The following TOP6BL variants were observed in gnomAD, a reference collection of about 807,000 sequenced individuals.
TOP6BL encodes the protein TOP6B like initiator of meiotic double strand breaks.
At chr11:66,798,216 A>G in the TOP6BL span, among the ~76,000 whole-genome samples, 11 of 152,312 alleles carry the variant, frequency 7.2e-5, no homozygotes, top group South Asian at 2.1e-4. Flanking sequence ...TAAAAGTCAG[A>G]TGGAGAAGAG....
At chr11:66,785,644 A>G in the TOP6BL span, among the ~76,000 whole-genome samples, 2 of 151,596 alleles carry the variant, frequency 1.3e-5, no homozygotes, top group Non-Finnish European at 2.9e-5. Context: ...ATCTTAATAG[A>G]TTATATAGTT....
chr11:66,754,067 A>G, the TOP6BL span, among the ~76,000 whole-genome samples: 2 of 152,362 alleles, frequency 1.3e-5, no homozygotes, highest in Admixed American at 6.5e-5. Context: ...AAACGTAGTC[A>G]GATTATGTGT....
the TOP6BL span, among the ~76,000 whole-genome samples, chr11:66,773,722 G>T: frequency 8.8e-4 from 134 of 152,148 alleles, no homozygotes; most frequent in Non-Finnish European, 1.7e-3. Context: ...AAGTCATAAT[G>T]ACATTTTATG....
chr11:66,823,648 C>T, the TOP6BL span, among the ~76,000 whole-genome samples: 1 of 151,866 alleles, frequency 6.6e-6, no homozygotes, highest in African/African-American at 2.4e-5. Flanking sequence ...GGTGAAACCC[C>T]GTCTCTACTA....
chr11:66,843,177 G>C, the TOP6BL span: 1 of 1,611,190 alleles, frequency 6.2e-7, no homozygotes, highest in Non-Finnish European at 8.5e-7. Flanking sequence ...AGGACGTGCT[G>C]TGGCTGCAGG....
chr11:66,752,364 T>TAA, the TOP6BL span, among the ~76,000 whole-genome samples: 1 of 152,190 alleles, frequency 6.6e-6, no homozygotes, highest in African/African-American at 2.4e-5. Context: ...TTTTCTAACT[T>TAA]AAGGTGTTGC....
the TOP6BL span, chr11:66,822,703 T>C: frequency 6.8e-7 from 1 of 1,468,056 alleles, no homozygotes; most frequent in South Asian, 1.2e-5. Context: ...TTGGGGATGC[T>C]TAAAAGTGCC....
chr11:66,841,758 C>T, the TOP6BL span, among the ~76,000 whole-genome samples: 2 of 152,114 alleles, frequency 1.3e-5, no homozygotes, highest in African/African-American at 2.4e-5. Context: ...GCTACAATCA[C>T]GCCACTGCAC....
At chr11:66,814,036 C>T in the TOP6BL span, 1 of 1,597,426 alleles carries the variant, frequency 6.3e-7, no homozygotes, top group Non-Finnish European at 8.6e-7. Flanking sequence ...CCTCTTTCTG[C>T]ACAGGAATTA....
At chr11:66,818,020 G>A in the TOP6BL span, among the ~76,000 whole-genome samples, 1 of 152,102 alleles carries the variant, frequency 6.6e-6, no homozygotes, top group African/African-American at 2.4e-5. Context: ...TTGGGGAAAG[G>A]TTCGTAAGCC....
the TOP6BL span, chr11:66,748,281 G>A: frequency 1.0e-6 from 1 of 954,810 alleles, no homozygotes; most frequent in Non-Finnish European, 1.5e-6. Flanking sequence ...AATTTTTGGG[G>A]GGAAATTAGA....
the TOP6BL span, among the ~76,000 whole-genome samples, chr11:66,766,819 A>G: frequency 1.3e-5 from 2 of 152,228 alleles, no homozygotes; most frequent in Non-Finnish European, 2.9e-5. Flanking sequence ...AGACTATTCC[A>G]TTTGAGAGTT....
the TOP6BL span, chr11:66,839,313 AG>A: frequency 2.7e-5 from 11 of 408,270 alleles, no homozygotes; most frequent in African/African-American, 2.3e-4. Flanking sequence ...GAGGAAATTG[AG>A]GCCCACAGAT....
At chr11:66,820,150 T>C in the TOP6BL span, among the ~76,000 whole-genome samples, 1 of 152,186 alleles carries the variant, frequency 6.6e-6, no homozygotes, top group Non-Finnish European at 1.5e-5. Flanking sequence ...TTTTCTATAC[T>C]GAAGAAAAGA....
chr11:66,780,864 G>A, the TOP6BL span, among the ~76,000 whole-genome samples: 1 of 152,168 alleles, frequency 6.6e-6, no homozygotes, highest in East Asian at 1.9e-4. Flanking sequence ...TTATAGGCAT[G>A]AGCCACCGCG....
At chr11:66,791,911 A>T in the TOP6BL span, among the ~76,000 whole-genome samples, 3 of 149,722 alleles carry the variant, frequency 2.0e-5, no homozygotes, top group African/African-American at 7.4e-5. Context: ...TCCGCCTCCC[A>T]GGTTCATGCC....
At chr11:66,843,341 G>A in the TOP6BL span, 1 of 1,479,802 alleles carries the variant, frequency 6.8e-7, no homozygotes, top group South Asian at 1.3e-5. Flanking sequence ...TTCCGCGTCT[G>A]CTTCCGCGTC....
At chr11:66,808,946 G>C in the TOP6BL span, among the ~76,000 whole-genome samples, 1,651 of 152,222 alleles carry the variant, frequency 0.011, 37 homozygotes, top group African/African-American at 0.037. Flanking sequence ...ACAGATTTGT[G>C]TGTGTGTGTG....
At chr11:66,806,960 A>ATT in the TOP6BL span, among the ~76,000 whole-genome samples, 1 of 152,234 alleles carries the variant, frequency 6.6e-6, no homozygotes, top group Non-Finnish European at 1.5e-5. Context: ...GTATAGAATA[A>ATT]ATAAGTTTCT....
Sources: allele counts gnomAD v4.1 joint callset (sites outside exome capture counted in the v4.1 genomes callset), GRCh38; gene constraint gnomAD v4.1.1; transcripts MANE v1.5; gene names NCBI Gene and HGNC (gene_info 2026-07-23, HGNC 2026-07-21).